ST6GALNAC3: variants seen among roughly 807,000 people sequenced by gnomAD.
ST6GALNAC3 encodes the protein alpha-N-acetylgalactosaminide alpha-2,6-sialyltransferase 3.
Under a neutral mutation model 32.7 loss-of-function variants are expected in ST6GALNAC3, and 25 were observed. That is an observed-to-expected ratio of 0.76 (90% CI 0.56 to 1.07). ST6GALNAC3 has a LOEUF of 1.07. Ranked by LOEUF, ST6GALNAC3 falls within the 50% of genes least tolerant of loss-of-function variation. The pLI is 0.00. For missense variants in ST6GALNAC3, 355 were observed against 382.4 expected (o/e 0.93, Z 0.60); for synonymous variants, 129 against 133.1 (o/e 0.97, Z 0.21).
intron 1 of ST6GALNAC3, among the ~76,000 whole-genome samples, chr1:76,121,807 G>A (rs1053588161): frequency 1.3e-5 from 2 of 152,186 alleles, no homozygotes; most frequent in African/African-American, 2.4e-5. Context: ...AAATGTACCT[G>A]TATTCCTTCT....
At chr1:76,573,878 G>A (rs1181968284) in intron 3 of ST6GALNAC3, among the ~76,000 whole-genome samples, 1 of 151,976 alleles carries the variant, frequency 6.6e-6, no homozygotes, top group African/African-American at 2.4e-5. Flanking sequence ...GGTAGGAGTG[G>A]GGTTGGCAGG....
At chr1:76,142,792 G>T (rs1399950599) in intron 1 of ST6GALNAC3, 1 of 448,126 alleles carries the variant, frequency 2.2e-6, no homozygotes, top group Non-Finnish European at 4.5e-6. Flanking sequence ...CTTGCTGGTA[G>T]AGGCCCCGCT....
At chr1:76,539,850 G>T (rs2100276183) in intron 3 of ST6GALNAC3, among the ~76,000 whole-genome samples, 1 of 152,194 alleles carries the variant, frequency 6.6e-6, no homozygotes, top group African/African-American at 2.4e-5. Context: ...AAAAAGTCAA[G>T]AAACAATAGA....
At chr1:76,427,328 C>T (rs1205123734) in intron 3 of ST6GALNAC3, among the ~76,000 whole-genome samples, 1 of 151,980 alleles carries the variant, frequency 6.6e-6, no homozygotes, top group Non-Finnish European at 1.5e-5. Flanking sequence ...CAAATGTGCT[C>T]TGGGGACCAT....
chr1:76,503,115 T>A (rs74089976), intron 3 of ST6GALNAC3, among the ~76,000 whole-genome samples: 6,213 of 152,154 alleles, frequency 0.041, 420 homozygotes, highest in African/African-American at 0.14. Flanking sequence ...AATGAAGCCA[T>A]GAAAAGAATA....
chr1:76,478,990 C>A (rs529072456), intron 3 of ST6GALNAC3, among the ~76,000 whole-genome samples: 38 of 151,992 alleles, frequency 2.5e-4, no homozygotes, highest in Admixed American at 9.8e-4. Flanking sequence ...GTCTCGATCT[C>A]CTGACCTTGT....
intron 1 of ST6GALNAC3, among the ~76,000 whole-genome samples, chr1:76,284,747 A>G (rs777429897): frequency 2.0e-5 from 3 of 152,128 alleles, no homozygotes; most frequent in Non-Finnish European, 4.4e-5. Flanking sequence ...TTGGAGGCAA[A>G]CTATTGTTAA....
intron 3 of ST6GALNAC3, among the ~76,000 whole-genome samples, chr1:76,501,716 G>C (rs1400296897): frequency 6.6e-6 from 1 of 152,186 alleles, no homozygotes; most frequent in African/African-American, 2.4e-5. Flanking sequence ...GCTTCAACAG[G>C]AGAACAAAGA....
At position 76,494,650 on chromosome 1, in the gene ST6GALNAC3, C is replaced by CAT. The variant is rs1491564145; in HGVS notation, c.623+82234_623+82235insTA. On this transcript the variant is annotated intron_variant, in intron 3 of 4. Transcript: ENST00000328299. ...TAAAAATATATTTCATGTGTATGCG[C>CAT]ACACACACACACACACACACACACA... 3.0e-3 allele frequency among the ~76,000 whole-genome samples: 35 copies of CAT among 11,682 alleles called. 1 individual carries two copies. The highest frequency in any genetic ancestry group is 0.017 in the African/African-American group (34 of 2,004). 7.7% of individuals were successfully genotyped at this position (11,682 alleles called of 152,430 possible). A position where few individuals can be genotyped will look rare whatever the true frequency, so the allele number is the denominator to read the frequency against.
intron 3 of ST6GALNAC3, among the ~76,000 whole-genome samples, chr1:76,538,285 T>C (rs1338074423): frequency 1.3e-5 from 2 of 152,138 alleles, no homozygotes; most frequent in Non-Finnish European, 2.9e-5. Context: ...ATTATCTCAA[T>C]AGATGGAGAA....
intron 1 of ST6GALNAC3, among the ~76,000 whole-genome samples, chr1:76,171,291 C>T (rs1652480561): frequency 6.6e-6 from 1 of 151,992 alleles, no homozygotes; most frequent in African/African-American, 2.4e-5. Context: ...ATTTAAAAAA[C>T]AACTTCTTTT....
intron 1 of ST6GALNAC3, among the ~76,000 whole-genome samples, chr1:76,218,020 A>T (rs1440070461): frequency 6.6e-6 from 1 of 151,892 alleles, no homozygotes; most frequent in Non-Finnish European, 1.5e-5. Context: ...CTTTTCCTCT[A>T]GGTAGATACC....
intron 1 of ST6GALNAC3, among the ~76,000 whole-genome samples, chr1:76,168,209 A>C (rs966988386): frequency 6.6e-6 from 1 of 152,176 alleles, no homozygotes; most frequent in African/African-American, 2.4e-5. Flanking sequence ...AGTTTCAAAG[A>C]ACTTCTTGAT....
intron 1 of ST6GALNAC3, among the ~76,000 whole-genome samples, chr1:76,156,515 A>T (rs1651436172): frequency 6.6e-6 from 1 of 151,962 alleles, no homozygotes; most frequent in African/African-American, 2.4e-5. Context: ...TTGAGTTATA[A>T]TCAAATAGTA....
At chr1:76,106,810 A>G (rs920909272) in intron 1 of ST6GALNAC3, among the ~76,000 whole-genome samples, 3 of 152,204 alleles carry the variant, frequency 2.0e-5, no homozygotes, top group African/African-American at 7.2e-5. Context: ...TAAATAAATA[A>G]AAGTGTCATT....
At chr1:76,458,623 A>C in intron 3 of ST6GALNAC3, among the ~76,000 whole-genome samples, 1 of 150,216 alleles carries the variant, frequency 6.7e-6, no homozygotes, top group African/African-American at 2.5e-5. Flanking sequence ...TTCTCAGTAA[A>C]CTATTGCAAG....
chr1:76,579,421 A>G (rs1452865851), intron 3 of ST6GALNAC3, among the ~76,000 whole-genome samples: 3 of 152,022 alleles, frequency 2.0e-5, no homozygotes, highest in East Asian at 1.9e-4. Context: ...CATAGTTTTT[A>G]TATATGAGTA....
intron 3 of ST6GALNAC3, among the ~76,000 whole-genome samples, chr1:76,448,174 G>A (rs1461554367): frequency 6.6e-6 from 1 of 152,176 alleles, no homozygotes; most frequent in Non-Finnish European, 1.5e-5. Context: ...GTGAGACATG[G>A]AGTCAAAGGA....
At chr1:76,593,234 A>G (rs555780452) in intron 3 of ST6GALNAC3, among the ~76,000 whole-genome samples, 30 of 152,288 alleles carry the variant, frequency 2.0e-4, no homozygotes, top group Non-Finnish European at 3.4e-4. Context: ...TTTGTTGGCA[A>G]GTGCTTATCA....
Sources: allele counts gnomAD v4.1 joint callset (sites outside exome capture counted in the v4.1 genomes callset), GRCh38; gene constraint gnomAD v4.1.1; transcripts MANE v1.5; gene names NCBI Gene and HGNC (gene_info 2026-07-23, HGNC 2026-07-21).